The following SLC5A4 variants were observed in gnomAD, a reference collection of about 807,000 sequenced individuals.
The protein encoded by SLC5A4 is solute carrier family 5 member 4.
Under a neutral mutation model 70.3 loss-of-function variants are expected in SLC5A4, and 55 were observed. The ratio of observed to expected loss-of-function variants is 0.78; its 90% CI spans 0.63 to 0.98. The LOEUF is 0.98. SLC5A4 is among the 50% of genes least tolerant of loss of function. SLC5A4 has a pLI of 0.00. For synonymous variants in SLC5A4, 268 were observed against 305.7 expected, an observed-to-expected ratio of 0.88 and a Z score of 1.29; for missense variants, 735 against 839.2, an observed-to-expected ratio of 0.88 and a Z score of 1.53.
the SLC5A4 span, among the ~76,000 whole-genome samples, chr22:32,330,942 GGA>G: frequency 8.3e-4 from 54 of 65,096 alleles, no homozygotes; most frequent in South Asian, 2.4e-3. Context: ...TGTATGTGTT[GGA>G]GGCTCTGGTG....
chr22:32,221,027 A>G lies in SLC5A4; in HGVS notation c.1666-5T>C, dbSNP rs2123860930. On this transcript the variant is annotated splice_region_variant and splice_polypyrimidine_tract_variant and intron_variant, in intron 13 of 14. Coordinates refer to ENST00000266086, the MANE Select transcript of SLC5A4 (RefSeq NM_014227.3). ...AACCCAGCACAGGCGGTACAGCTGAACAGGGACCATACAAAAGTGCATTAG... is the reference window on the plus strand; with the variant it reads ...AACCCAGCACAGGCGGTACAGCTGAGCAGGGACCATACAAAAGTGCATTAG... 6.3e-7 allele frequency: 1 copy of G among 1,598,974 alleles called. No homozygotes were observed. The highest frequency in any genetic ancestry group is 8.6e-7 in the Non-Finnish European group (1 of 1,166,342).
Position 32,234,898 on chromosome 22 carries a change from G to A in SLC5A4, c.860C>T (p.Ala287Val). ...CTGATTTGTGCACCAGTACCACAAA[G>A]CTGTAATGGGCATTCCAAATATAAT... The part of the protein sequence containing the change: ...PGIIFGMPIT[A>V]LWYWCTNQVI... Residue 287 changes from alanine to valine, a missense_variant, in exon 8 of 15, where the codon GCT (alanine) becomes GTT (valine). Physicochemically the swap from Ala to Val is moderately conservative, Grantham distance 64 (BLOSUM62 0). Transcript: ENST00000266086. 2 of 1,612,048 alleles carry A rather than the reference G, an allele frequency of 1.2e-6. No individual in the cohort carries two copies. Among genetic ancestry groups the A allele is most frequent in the African/African-American group, 1.3e-5 (1 of 74,154 alleles).
the SLC5A4 span, among the ~76,000 whole-genome samples, chr22:32,328,167 T>C: frequency 6.6e-6 from 1 of 151,952 alleles, no homozygotes; most frequent in African/African-American, 2.4e-5. Flanking sequence ...CTGTTGACTT[T>C]TCCCTTCTGC....
the SLC5A4 span, among the ~76,000 whole-genome samples, chr22:32,306,489 G>A: frequency 6.6e-6 from 1 of 150,600 alleles, no homozygotes; most frequent in Non-Finnish European, 1.5e-5. Context: ...AAAAACTACT[G>A]TATATAAAGA....
the SLC5A4 span, chr22:32,270,947 A>G: frequency 1.8e-6 from 1 of 554,508 alleles, no homozygotes; most frequent in South Asian, 1.7e-5. Flanking sequence ...GAGCTGCCTG[A>G]GCGGGGCTCA....
the SLC5A4 span, among the ~76,000 whole-genome samples, chr22:32,326,350 G>A: frequency 1.3e-5 from 2 of 149,776 alleles, no homozygotes; most frequent in East Asian, 2.0e-4. Flanking sequence ...TCTGCCACCC[G>A]AGTTCAAGCG....
chr22:32,325,584 A>C, the SLC5A4 span, among the ~76,000 whole-genome samples: 1 of 152,178 alleles, frequency 6.6e-6, no homozygotes, highest in Non-Finnish European at 1.5e-5. Context: ...AGGTGTCTGG[A>C]CCTGATCCCG....
At chr22:32,229,026 T>G (rs1925574414) in intron 11 of SLC5A4, among the ~76,000 whole-genome samples, 168 bp downstream of exon 11, 1 of 152,208 alleles carries the variant, frequency 6.6e-6, no homozygotes, top group African/African-American at 2.4e-5. Flanking sequence ...ATGGTTCAAA[T>G]TTTTGTATCT....
the SLC5A4 span, among the ~76,000 whole-genome samples, chr22:32,323,494 G>A: frequency 0.22 from 33,571 of 152,228 alleles, 3,788 homozygotes; most frequent in Admixed American, 0.25. Context: ...TGCACAGGAA[G>A]GGAAGAATGT....
At chr22:32,271,372 G>A in the SLC5A4 span, 2 of 744,662 alleles carry the variant, frequency 2.7e-6, no homozygotes, top group Non-Finnish European at 2.4e-6. Context: ...CTGGGCAGCC[G>A]CCAGAGCACA....
chr22:32,271,377 A>G, the SLC5A4 span: 7 of 751,986 alleles, frequency 9.3e-6, no homozygotes, highest in African/African-American at 1.0e-4. Context: ...CAGCCGCCAG[A>G]GCACACCTTA....
the SLC5A4 span, among the ~76,000 whole-genome samples, chr22:32,336,206 A>G: frequency 6.6e-6 from 1 of 152,080 alleles, no homozygotes; most frequent in Non-Finnish European, 1.5e-5. Context: ...TCCTCTCTGT[A>G]GGATCTCGCG....
rs1234088629 is a variant in SLC5A4, at chr22:32,235,039, G to T, written c.719C>A (p.Thr240Asn). The T allele has an allele frequency of 3.1e-6, 5 of 1,613,896 alleles. No individual in the cohort carries two copies. In the Admixed American group the frequency reaches 8.3e-5, roughly 27 times the overall value. Residue 240 changes from threonine to asparagine, a missense_variant, in exon 8 of 15, where the codon ACC (threonine) becomes AAC (asparagine). Transcript: ENST00000266086. ...GTTGTCCCCCTCGACTACGGATGGG[G>T]TGGCATTCACGTACTTCTCGGTAAA... ...ESFTEKYVNATPSVVEGDNLT... is the reference protein window; with the variant it reads ...ESFTEKYVNANPSVVEGDNLT...
chr22:32,245,091 G>A (rs372336933), intron 5 of SLC5A4, among the ~76,000 whole-genome samples: 40 of 152,182 alleles, frequency 2.6e-4, no homozygotes, highest in African/African-American at 8.4e-4. Context: ...ATTGCAGGTT[G>A]AGAACCAGTG....
At position 32,229,266 on chromosome 22, in the gene SLC5A4, G is replaced by A; in HGVS notation, c.1208C>T (p.Thr403Ile). 1.2e-6 allele frequency: 2 copies of A among 1,614,102 alleles called. No individual in the cohort carries two copies. Among genetic ancestry groups the A allele is most frequent in the South Asian group, 2.2e-5 (2 of 91,060 alleles). The change falls in exon 11 of 15, where the codon ACC becomes ATC. Residue 403 changes from threonine to isoleucine, a missense_variant. Physicochemically the swap from Thr to Ile is moderately conservative, Grantham distance 89. Transcript: ENST00000266086. ...SLTSIFNSAS[T>I]LFTIDLYTKM... is the part of the protein sequence containing the mutation. ...GGTGTAGAGGTCAATGGTGAAGAGG[G>A]TGCTGGCGCTGTTGAAGATGGAGGT...
the SLC5A4 span, among the ~76,000 whole-genome samples, chr22:32,306,911 G>T: frequency 2.4e-5 from 1 of 41,724 alleles, no homozygotes; most frequent in Non-Finnish European, 5.5e-5. Flanking sequence ...AAGAAGAGGC[G>T]CTCTCTCTTG....
At chr22:32,266,652 G>A in the SLC5A4 span, among the ~76,000 whole-genome samples, 5 of 152,182 alleles carry the variant, frequency 3.3e-5, no homozygotes, top group Admixed American at 6.5e-5. Flanking sequence ...TAGGGGCACT[G>A]AGCCCCCGGC....
At chr22:32,242,183 G>A (rs1222506960) in intron 5 of SLC5A4, among the ~76,000 whole-genome samples, 1 of 152,106 alleles carries the variant, frequency 6.6e-6, no homozygotes, top group Non-Finnish European at 1.5e-5. Flanking sequence ...CACCCAATAA[G>A]CACACTTAGC....
chr22:32,305,886 A>T, the SLC5A4 span, among the ~76,000 whole-genome samples: 1 of 149,310 alleles, frequency 6.7e-6, no homozygotes, highest in Non-Finnish European at 1.5e-5. Flanking sequence ...CCAGTGCCAG[A>T]TTCAGGGCAC....
Sources: allele counts gnomAD v4.1 joint callset (sites outside exome capture counted in the v4.1 genomes callset), GRCh38; gene constraint gnomAD v4.1.1; transcripts MANE v1.5; gene names NCBI Gene and HGNC (gene_info 2026-07-23, HGNC 2026-07-21).